DLC1: variants seen among roughly 807,000 people sequenced by gnomAD.
The protein encoded by DLC1 is rho GTPase-activating protein 7.
Under a neutral mutation model 140.3 loss-of-function variants are expected in DLC1, and 54 were observed. That is an observed-to-expected ratio of 0.38 (90% confidence interval 0.31 to 0.48). DLC1 has a LOEUF of 0.48. DLC1 is among the 20% of genes least tolerant of loss of function. The probability of loss-of-function intolerance (pLI) is 0.96; values close to 1 mark genes in which losing one functional copy is unlikely to be tolerated. For missense variants in DLC1, 2,536 were observed against 1,907.0 expected, an observed-to-expected ratio of 1.33 and a Z score of -6.14; for synonymous variants, 986 against 728.1, an observed-to-expected ratio of 1.35 and a Z score of -5.70.
intron 1 of DLC1, among the ~76,000 whole-genome samples, chr8:13,507,710 C>G (rs1052418781): frequency 6.6e-6 from 1 of 152,124 alleles, no homozygotes; most frequent in Non-Finnish European, 1.5e-5. Flanking sequence ...TGGCAAATTG[C>G]TTAATGGAGA....
intron 4 of DLC1, among the ~76,000 whole-genome samples, chr8:13,366,924 T>C (rs1835510767): frequency 6.6e-6 from 1 of 152,148 alleles, no homozygotes; most frequent in Non-Finnish European, 1.5e-5. Context: ...CCTCGATGTG[T>C]TGCATCACTT....
At position 13,499,878 on chromosome 8, in the gene DLC1, C is replaced by T. The variant is rs1250491665; in HGVS notation, c.194G>A (p.Cys65Tyr). 4.3e-6 allele frequency: 7 copies of T among 1,613,974 alleles called. No homozygotes were observed. The East Asian group carries it at 6.7e-5, about 15-fold the overall frequency. The part of the protein sequence containing the change: ...KEKCVSLPDC[C>Y]HGSELRDFPG... ...AAAATCTCTCAGCTCTGATCCATGA[C>T]AGCAGTCAGGTAGTGAAACACACTT... The change falls in exon 2 of 18, where the codon TGT becomes TAT. Residue 65 changes from cysteine (C) to tyrosine (Y), a missense_variant. By Grantham distance (194) the Cys-to-Tyr change is radical (BLOSUM62 -2). Transcript: ENST00000276297.
At chr8:13,321,595 T>C (rs1470510811) in intron 4 of DLC1, among the ~76,000 whole-genome samples, 4 of 145,458 alleles carry the variant, frequency 2.7e-5, no homozygotes, top group Admixed American at 6.9e-5. Context: ...AGCATTTTAG[T>C]GGTAAAGAGA....
At chr8:13,374,921 A>G (rs981279533) in intron 4 of DLC1, among the ~76,000 whole-genome samples, 3 of 152,176 alleles carry the variant, frequency 2.0e-5, no homozygotes, top group Non-Finnish European at 4.4e-5. Flanking sequence ...ATCCCTTGTA[A>G]GTAGGATTCC....
intron 4 of DLC1, among the ~76,000 whole-genome samples, chr8:13,348,508 A>T (rs955535632): frequency 2.0e-5 from 3 of 152,224 alleles, no homozygotes; most frequent in African/African-American, 7.2e-5. Flanking sequence ...CAAACTGGAA[A>T]GGATACCAGT....
chr8:13,534,904 C>G (rs915189665), intron 1 of DLC1, among the ~76,000 whole-genome samples: 2 of 152,138 alleles, frequency 1.3e-5, no homozygotes, highest in Admixed American at 6.6e-5. Context: ...CACATCTGCC[C>G]TTTGCAACAC....
At chr8:13,211,568 C>T (rs1381977242) in intron 5 of DLC1, among the ~76,000 whole-genome samples, 1 of 152,174 alleles carries the variant, frequency 6.6e-6, no homozygotes, top group Non-Finnish European at 1.5e-5. Flanking sequence ...AGAGCAATAT[C>T]TTCTGTAGGG....
intron 1 of DLC1, among the ~76,000 whole-genome samples, chr8:13,588,603 C>T (rs763950375): frequency 1.3e-5 from 2 of 151,956 alleles, no homozygotes; most frequent in Middle Eastern, 3.2e-3. Flanking sequence ...AAGTATATTC[C>T]ATAAAAGTGA....
chr8:13,340,148 C>T (rs1362284940), intron 4 of DLC1: 1 of 152,244 alleles, frequency 6.6e-6, no homozygotes, highest in Non-Finnish European at 1.5e-5. Context: ...GAAAGCCACT[C>T]TCATATCTGG....
chr8:13,559,140 A>T (rs982521898), intron 1 of DLC1: 4 of 152,248 alleles, frequency 2.6e-5, no homozygotes, highest in African/African-American at 9.6e-5. Context: ...GGCTTCAAGT[A>T]AGAGTTCTGG....
chr8:13,251,599 C>G (rs538358673), intron 5 of DLC1, among the ~76,000 whole-genome samples: 1 of 152,244 alleles, frequency 6.6e-6, no homozygotes, highest in East Asian at 1.9e-4. Context: ...ATTTATCCAT[C>G]TATTCAAAAA....
At chr8:13,266,802 C>T (rs1157906049) in intron 5 of DLC1, among the ~76,000 whole-genome samples, 1 of 151,982 alleles carries the variant, frequency 6.6e-6, no homozygotes, top group South Asian at 2.1e-4. Context: ...GGTTCTAATA[C>T]AACAAAAAAC....
intron 2 of DLC1, among the ~76,000 whole-genome samples, chr8:13,478,487 G>C (rs1394477926): frequency 6.6e-6 from 1 of 152,094 alleles, no homozygotes; most frequent in Non-Finnish European, 1.5e-5. Context: ...TCCTGTTCAG[G>C]GATGAACTCT....
At chr8:13,170,274 G>A (rs1009296058) in intron 5 of DLC1, among the ~76,000 whole-genome samples, 6 of 152,080 alleles carry the variant, frequency 3.9e-5, no homozygotes, top group African/African-American at 1.4e-4. Context: ...TCTTGATGCA[G>A]TAATTACAAT....
At chr8:13,586,718 A>G (rs1406891039) in intron 1 of DLC1, among the ~76,000 whole-genome samples, 1 of 151,878 alleles carries the variant, frequency 6.6e-6, no homozygotes, top group African/African-American at 2.4e-5. Context: ...TTTAAAAACT[A>G]TGTAGTACAA....
At chr8:13,222,534 C>T (rs1259174952) in intron 5 of DLC1, among the ~76,000 whole-genome samples, 1 of 152,120 alleles carries the variant, frequency 6.6e-6, no homozygotes, top group East Asian at 1.9e-4. Flanking sequence ...CAGAAGTTCT[C>T]ACATTCTGTT....
At chr8:13,244,529 C>A (rs112921695) in intron 5 of DLC1, among the ~76,000 whole-genome samples, 172 of 152,092 alleles carry the variant, frequency 1.1e-3, no homozygotes, top group African/African-American at 3.7e-3. Context: ...AAACTCCTGG[C>A]CTAAAGTGAT....
At chr8:13,588,508 A>G (rs980836583) in intron 1 of DLC1, among the ~76,000 whole-genome samples, 3 of 152,146 alleles carry the variant, frequency 2.0e-5, no homozygotes, top group Non-Finnish European at 2.9e-5. Flanking sequence ...CTGAATATAA[A>G]TGAATTCCAC....
intron 2 of DLC1, among the ~76,000 whole-genome samples, chr8:13,474,941 A>C (rs1311104530): frequency 6.6e-6 from 1 of 152,124 alleles, no homozygotes; most frequent in African/African-American, 2.4e-5. Context: ...AGGACTGTGG[A>C]CTTTTCAGTT....
Sources: gnomAD v4.1 joint callset for allele counts (sites outside exome capture counted in the v4.1 genomes callset) on GRCh38, gnomAD v4.1.1 for gene constraint, MANE v1.5 for transcripts, NCBI Gene and HGNC (gene_info 2026-07-23, HGNC 2026-07-21) for gene names.